Variants in PGM1 observed in about 807,000 individuals in gnomAD.
PGM1 encodes phosphoglucomutase 1.
A neutral mutation model predicts 55.6 loss-of-function variants in PGM1; 52 were observed. The ratio of observed to expected loss-of-function variants is 0.94; its 90% CI spans 0.75 to 1.18. The LOEUF is 1.18. PGM1 is among the 50% of genes most tolerant of loss of function. The pLI is 0.00. For synonymous variants in PGM1, 287 were observed against 271.7 expected (o/e 1.06, Z -0.55); for missense variants, 724 against 729.3 (o/e 0.99, Z 0.08).
At chr1:63,647,329 G>A (rs1169626309) in intron 7 of PGM1, among the ~76,000 whole-genome samples, 2 of 122,722 alleles carry the variant, frequency 1.6e-5, no homozygotes, top group African/African-American at 5.9e-5. Flanking sequence ...TCTACCTTAA[G>A]TGCTATCCAC....
At chr1:63,632,338 T>G (rs1055463905) in intron 4 of PGM1, among the ~76,000 whole-genome samples, 5 of 152,198 alleles carry the variant, frequency 3.3e-5, no homozygotes, top group African/African-American at 1.2e-4. Flanking sequence ...GAGGGTTTTC[T>G]CAGACATGTA....
chr1:63,641,369 C>T lies in PGM1; in HGVS notation c.1144+2569C>T, dbSNP rs12069310. Among the ~76,000 whole-genome samples, 477 of 152,276 alleles carry T rather than the reference C, an allele frequency of 3.1e-3. 4 individuals are homozygous for T. The highest frequency in any genetic ancestry group is 9.9e-3 in the African/African-American group (413 of 41,562). ...ACAGCCAGGCTGCATAGCCATAGAT[C>T]GCTGTTGTGAACGAGTGCAGCTGGG... On this transcript the variant is annotated intron_variant, in intron 7 of 10. Coordinates refer to ENST00000371084, the MANE Select transcript of PGM1 (RefSeq NM_002633.3).
At chr1:63,630,232 A>G (rs537139491) in intron 3 of PGM1, 144 bp downstream of exon 3, 31 of 897,748 alleles carry the variant, frequency 3.5e-5, no homozygotes, top group Non-Finnish European at 5.5e-5. Flanking sequence ...TTAATTAACA[A>G]GTCTGGAATT....
intron 10 of PGM1, among the ~76,000 whole-genome samples, chr1:63,655,142 T>C (rs74914344): frequency 7.4e-6 from 1 of 135,454 alleles, no homozygotes; most frequent in East Asian, 2.0e-4. Flanking sequence ...CTCATTTCCT[T>C]TTTTTTTTTT....
Position 63,636,305 on chromosome 1 carries a change from C to G in PGM1, c.945C>G (p.Ala315=). Residue 315 remains alanine (A), a synonymous_variant, in exon 6 of 11, where the codon GCC becomes GCG. Transcript: ENST00000371084. Reference sequence around the variant, plus strand: ...CAGACTCTGTGGCTGTCATTGCTGCCAACATCTTCAGCATTCCGTATTTCC... The same window carrying G: ...CAGACTCTGTGGCTGTCATTGCTGCGAACATCTTCAGCATTCCGTATTTCC... ...NPSDSVAVIA[A]NIFSIPYFQQ... 1 of 1,614,036 alleles carries G rather than the reference C, an allele frequency of 6.2e-7. No individual in the cohort carries two copies. The highest frequency in any genetic ancestry group is 1.1e-5 in the South Asian group (1 of 91,088).
intron 1 of PGM1, among the ~76,000 whole-genome samples, chr1:63,624,203 C>T (rs1365910144): frequency 6.6e-6 from 1 of 152,062 alleles, no homozygotes; most frequent in Non-Finnish European, 1.5e-5. Context: ...AAAACAAAAG[C>T]CAGGGCATGC....
chr1:63,615,010 G>A (rs187599948), intron 1 of PGM1, among the ~76,000 whole-genome samples: 181 of 152,286 alleles, frequency 1.2e-3, no homozygotes, highest in African/African-American at 4.1e-3. Flanking sequence ...TCAGGCTCAG[G>A]CCTGTTTGAC....
At chr1:63,637,776 A>G (rs1297854074) in intron 6 of PGM1, among the ~76,000 whole-genome samples, 1 of 152,212 alleles carries the variant, frequency 6.6e-6, no homozygotes, top group Non-Finnish European at 1.5e-5. Context: ...CAATTTTTGG[A>G]AAAATTGATA....
intron 1 of PGM1, among the ~76,000 whole-genome samples, chr1:63,620,463 G>C (rs1396103653): frequency 2.6e-5 from 4 of 152,102 alleles, no homozygotes; most frequent in African/African-American, 9.7e-5. Flanking sequence ...GGGTTATCAG[G>C]CTCATCCCTT....
chr1:63,621,566 T>C (rs553698596), intron 1 of PGM1, among the ~76,000 whole-genome samples: 14 of 152,224 alleles, frequency 9.2e-5, no homozygotes, highest in African/African-American at 3.4e-4. Context: ...ACTTACAAAA[T>C]AGGAATTTAA....
intron 10 of PGM1, among the ~76,000 whole-genome samples, chr1:63,655,003 CTG>C (rs974042800): frequency 2.1e-5 from 3 of 145,590 alleles, no homozygotes; most frequent in Admixed American, 7.0e-5. Context: ...GGGTCTCACT[CTG>C]TTGCCCAGGC....
intron 9 of PGM1, among the ~76,000 whole-genome samples, chr1:63,653,339 G>A (rs1357807086): frequency 2.0e-5 from 3 of 152,306 alleles, no homozygotes; most frequent in African/African-American, 7.2e-5. Context: ...TTCCTAGAAA[G>A]CAAGAAATGG....
At chr1:63,610,040 G>T (rs188564682) in intron 1 of PGM1, among the ~76,000 whole-genome samples, 1 of 152,294 alleles carries the variant, frequency 6.6e-6, no homozygotes, top group Admixed American at 6.5e-5. Flanking sequence ...TTGAGATTTT[G>T]CTTCAAATTT....
intron 1 of PGM1, among the ~76,000 whole-genome samples, chr1:63,621,305 A>G (rs57911342): frequency 0.068 from 10,383 of 151,592 alleles, 586 homozygotes; most frequent in East Asian, 0.12. Context: ...AGTGTGGTGT[A>G]TTATGTGGGC....
chr1:63,652,992 G>A (rs371603460), intron 9 of PGM1, among the ~76,000 whole-genome samples: 14 of 152,334 alleles, frequency 9.2e-5, no homozygotes, highest in East Asian at 3.9e-4. Context: ...GGCAGAGTGG[G>A]ACAGAAGTTT....
At chr1:63,648,009 T>C (rs1649700283) in intron 7 of PGM1, among the ~76,000 whole-genome samples, 1 of 152,252 alleles carries the variant, frequency 6.6e-6, no homozygotes, top group Non-Finnish European at 1.5e-5. Flanking sequence ...CTACTTAATA[T>C]GTGATTCCTC....
rs762985659 is a variant in PGM1 at position 63,629,518 on chromosome 1, C to G, written c.340C>G (p.Leu114Val). The G allele has an allele frequency of 2.2e-5, 35 of 1,613,580 alleles. No individual in the cohort carries two copies. The highest frequency in any genetic ancestry group is 3.0e-5 in the Non-Finnish European group (35 of 1,179,696). ...AATCAAAGCCATTGGTGGGATCATT[C>G]TGACAGCCAGTCACAACCCAGGGGG... ...RKIKAIGGII[L>V]TASHNPGGPN... is the part of the protein sequence containing the mutation. The change falls in exon 2 of 11, where the codon CTG becomes GTG. Residue 114 changes from leucine (L) to valine (V), a missense_variant. Coordinates refer to ENST00000371084, the MANE Select transcript of PGM1 (RefSeq NM_002633.3).
intron 1 of PGM1, among the ~76,000 whole-genome samples, chr1:63,615,547 CTTCTTTTTTTTTT>C (rs1307107960): frequency 8.9e-4 from 86 of 96,108 alleles, no homozygotes; most frequent in African/African-American, 3.8e-3. Flanking sequence ...TCTTCTTCTT[CTTCTTTTTTTTTT>C]TTTTTTTTTT....
intron 7 of PGM1, among the ~76,000 whole-genome samples, chr1:63,641,949 T>C (rs1358882091): frequency 6.6e-6 from 1 of 152,186 alleles, no homozygotes; most frequent in African/African-American, 2.4e-5. Context: ...AGGTATCTGA[T>C]GTAAATTCCT....
Sources: gnomAD v4.1 joint callset for allele counts (sites outside exome capture counted in the v4.1 genomes callset) on GRCh38, gnomAD v4.1.1 for gene constraint, MANE v1.5 for transcripts, NCBI Gene and HGNC (gene_info 2026-07-23, HGNC 2026-07-21) for gene names.